The following RTN3 variants were observed in gnomAD, a reference collection of about 807,000 sequenced individuals.
RTN3 encodes reticulon-3.
RTN3 carries 49 observed loss-of-function variants against 77.8 expected under a neutral mutation model. The observed-to-expected ratio is 0.63, with a 90% CI of 0.50 to 0.80. The LOEUF (loss-of-function observed/expected upper bound fraction) is 0.80, where lower values mean the gene tolerates loss of function less well. RTN3 is among the 30% of genes least tolerant of loss of function. RTN3 has a pLI of 0.00. For missense variants in RTN3, 1,236 were observed against 1,211.9 expected (o/e 1.02, Z -0.29); for synonymous variants, 464 against 446.9 (o/e 1.04, Z -0.48).
In RTN3 at chr11:63,719,847, G is replaced by C; in HGVS notation, c.1345G>C (p.Glu449Gln). 1 of 1,614,172 alleles carries C rather than the reference G, an allele frequency of 6.2e-7. No homozygotes were observed. The change falls in exon 3 of 9, where the codon GAA (glutamate) becomes CAA (glutamine). Residue 449 changes from glutamate to glutamine, a missense_variant. Around this residue, in one of 3 missense-constraint regions of RTN3, gnomAD observed 1,056 missense variants for 990.4 expected, o/e 1.07. Coordinates refer to ENST00000377819, the MANE Select transcript of RTN3 (RefSeq NM_001265589.2). ...NMQKQDDTLA[E>Q]LPGSPPEKCD... ...GCAGAAACAGGATGACACACTTGCA[G>C]AATTACCTGGATCTCCACCTGAGAA... is the stretch of plus-strand genomic sequence containing the variant.
rs2011543773 is a variant in RTN3 at position 63,718,753 on chromosome 11, C to T, written c.251C>T (p.Ser84Phe). The T allele has an allele frequency of 1.2e-6, 2 of 1,604,992 alleles. No individual in the cohort carries two copies. Among genetic ancestry groups the T allele is most frequent in the Non-Finnish European group, 1.7e-6 (2 of 1,177,864 alleles). ...SDEPSSEIMT[S>F]SFLSSSEIHN... is the part of the protein sequence containing the mutation. ...GAGCCATCTTCAGAAATTATGACTT[C>T]TTCCTTTCTTTCATCTTCTGAAATA... The change falls in exon 3 of 9, where the codon TCT becomes TTT. Residue 84 changes from serine to phenylalanine, a missense_variant. Ser to Phe is a radical substitution (Grantham distance 155). Coordinates refer to ENST00000377819, the MANE Select transcript of RTN3 (RefSeq NM_001265589.2).
chr11:63,730,955 T>C (rs1300096269), intron 3 of RTN3, among the ~76,000 whole-genome samples: 1 of 152,208 alleles, frequency 6.6e-6, no homozygotes, highest in Non-Finnish European at 1.5e-5. Context: ...ATGGTGGTTA[T>C]AGAACACTAC....
intron 3 of RTN3, among the ~76,000 whole-genome samples, chr11:63,726,599 A>G (rs1275909575): frequency 6.6e-6 from 1 of 152,218 alleles, no homozygotes; most frequent in East Asian, 1.9e-4. Context: ...GCAATGGCCC[A>G]CGCCTGTAAT....
intron 3 of RTN3, among the ~76,000 whole-genome samples, chr11:63,744,849 G>A (rs756521869): frequency 6.6e-6 from 1 of 152,090 alleles, no homozygotes; most frequent in Non-Finnish European, 1.5e-5. Flanking sequence ...AAAATCAACC[G>A]GGAATGGTGG....
At chr11:63,685,533 T>C (rs1482589404) in intron 1 of RTN3, among the ~76,000 whole-genome samples, 1 of 146,058 alleles carries the variant, frequency 6.8e-6, no homozygotes, top group African/African-American at 2.7e-5. Context: ...GTTGTAATCA[T>C]TTTTATTGCA....
intron 1 of RTN3, among the ~76,000 whole-genome samples, chr11:63,694,191 TC>T (rs1941811273): frequency 6.6e-6 from 1 of 152,052 alleles, no homozygotes; most frequent in African/African-American, 2.4e-5. Flanking sequence ...TTTTTTTTTT[TC>T]TGAAATGGAA....
intron 8 of RTN3, 120 bp from the exon 9 acceptor site, chr11:63,758,036 T>G (rs2014473427): frequency 1.4e-6 from 1 of 700,674 alleles, no homozygotes; most frequent in Non-Finnish European, 2.4e-6. Context: ...GCCGGGAGAA[T>G]GCATTTCACA....
rs2011605359 is a variant in RTN3 at position 63,719,548 on chromosome 11, A to G, written c.1046A>G (p.Lys349Arg). Residue 349 changes from lysine to arginine, a missense_variant, in exon 3 of 9, where the codon AAA becomes AGA. Lys to Arg is a conservative substitution (Grantham distance 26). This residue lies in a region of RTN3 where 1,056 missense variants were observed against 990.4 expected (regional missense o/e 1.07). Transcript: ENST00000377819. ...ACTTGGGATCTGGTTCCCCAAGTGA[A>G]ACAACAGACCGATAAATCTTCTGAC... Reference protein sequence around the residue: ...ILTWDLVPQVKQQTDKSSDCI... With the variant: ...ILTWDLVPQVRQQTDKSSDCI... The G allele has an allele frequency of 3.1e-6, 5 of 1,614,192 alleles. No individual in the cohort carries two copies. In the East Asian group the frequency reaches 6.7e-5, roughly 22 times the overall value.
At chr11:63,730,447 A>G (rs1565330124) in intron 3 of RTN3, among the ~76,000 whole-genome samples, 1 of 152,268 alleles carries the variant, frequency 6.6e-6, no homozygotes. Context: ...TGACAGTTAT[A>G]AGTGTGTATG....
chr11:63,697,771 C>T (rs886782271), intron 1 of RTN3, among the ~76,000 whole-genome samples: 2 of 152,160 alleles, frequency 1.3e-5, no homozygotes, highest in African/African-American at 2.4e-5. Context: ...CCACCGCGCC[C>T]GGCCCACCTG....
intron 2 of RTN3, among the ~76,000 whole-genome samples, chr11:63,706,120 A>C (rs1342846859): frequency 6.6e-6 from 1 of 152,170 alleles, no homozygotes; most frequent in Non-Finnish European, 1.5e-5. Flanking sequence ...AAAAATTAGT[A>C]AAACTTTTGC....
chr11:63,720,110 AAG>A lies in RTN3; in HGVS notation c.1612_1613del (p.Glu538AsnfsTer8). 1.9e-6 allele frequency: 3 copies of A among 1,613,252 alleles called. No individual in the cohort carries two copies. The highest frequency in any genetic ancestry group is 2.5e-6 in the Non-Finnish European group (3 of 1,179,782). Reference sequence around the variant, plus strand: ...CAAGTGCTGTTGTAAAAACAGGTGAAAGAGAAATCAAAGAGATTCCCAGTTGT... The same window carrying A: ...CAAGTGCTGTTGTAAAAACAGGTGAAAGAAATCAAAGAGATTCCCAGTTGT... ...IPSAVVKTGE[R>X]EIKEIPSCER... On this transcript the variant is annotated frameshift_variant, in exon 3 of 9. Coordinates refer to ENST00000377819, the MANE Select transcript of RTN3 (RefSeq NM_001265589.2). LOFTEE classifies it high-confidence loss of function.
At chr11:63,718,055 T>C (rs954864479) in intron 2 of RTN3, among the ~76,000 whole-genome samples, 3 of 152,030 alleles carry the variant, frequency 2.0e-5, no homozygotes, top group African/African-American at 4.8e-5. Context: ...GTCCACCTTT[T>C]TCAGTACCCT....
chr11:63,724,789 C>A (rs936441720), intron 3 of RTN3, among the ~76,000 whole-genome samples: 2 of 152,126 alleles, frequency 1.3e-5, no homozygotes, highest in African/African-American at 4.8e-5. Context: ...CGGAACCCAG[C>A]TGGAATTTAT....
chr11:63,759,564 T>C lies in RTN3; in HGVS notation c.*1363T>C, dbSNP rs1321637868. 1 of 152,606 alleles carries C rather than the reference T, an allele frequency of 6.6e-6. No homozygotes were observed. Among genetic ancestry groups the C allele is most frequent in the Non-Finnish European group, 1.5e-5 (1 of 68,038 alleles). The allele number at this position is 152,606 out of a possible 1,614,324, so 9.5% of individuals were successfully genotyped here. On this transcript the variant is annotated 3_prime_UTR_variant, in exon 9 of 9. Coordinates refer to ENST00000377819, the MANE Select transcript of RTN3 (RefSeq NM_001265589.2). Reference sequence around the variant, plus strand: ...TTTCATGTCCTAGTAGGAAGTGCATTCTCCATCCTCATCCTCTGCCCTCCC... The same window carrying C: ...TTTCATGTCCTAGTAGGAAGTGCATCCTCCATCCTCATCCTCTGCCCTCCC...
chr11:63,719,867 T>C lies in RTN3; in HGVS notation c.1365T>C (p.Pro455=), dbSNP rs749467802. The change falls in exon 3 of 9, where the codon CCT becomes CCC. Residue 455 remains proline (P), a synonymous_variant. Transcript: ENST00000377819. ...TTGCAGAATTACCTGGATCTCCACC[T>C]GAGAAATGTGACTCTTTGGGTTCTG... is the stretch of plus-strand genomic sequence containing the variant. The part of the protein sequence containing the change: ...DTLAELPGSP[P]EKCDSLGSGV... The C allele has an allele frequency of 6.2e-7, 1 of 1,614,214 alleles. No individual in the cohort carries two copies. The highest frequency in any genetic ancestry group is 2.2e-5 in the East Asian group (1 of 44,884).
At chr11:63,744,239 T>C (rs1429289745) in intron 3 of RTN3, among the ~76,000 whole-genome samples, 1 of 912 alleles carries the variant, frequency 1.1e-3, no homozygotes, top group South Asian at 0.033. Context: ...AGACTCTGTC[T>C]CAAAAAAAAA....
At chr11:63,732,540 G>C (rs971929491) in intron 3 of RTN3, among the ~76,000 whole-genome samples, 2 of 151,466 alleles carry the variant, frequency 1.3e-5, no homozygotes, top group South Asian at 2.1e-4. Flanking sequence ...ATGAAAAAAG[G>C]GTTTTCCATT....
chr11:63,683,382 T>C (rs1166996803), intron 1 of RTN3, among the ~76,000 whole-genome samples: 1 of 152,258 alleles, frequency 6.6e-6, no homozygotes, highest in African/African-American at 2.4e-5. Flanking sequence ...CTTTTGTACT[T>C]ACCTTTTGGG....
Sources: gnomAD v4.1 joint callset for allele counts (sites outside exome capture counted in the v4.1 genomes callset) on GRCh38, gnomAD v4.1.1 for gene constraint, gnomAD v4.1.1 regional missense constraint, MANE v1.5 for transcripts, NCBI Gene and HGNC (gene_info 2026-07-23, HGNC 2026-07-21) for gene names.